The following NTM variants were observed in gnomAD, a reference collection of about 807,000 sequenced individuals.
The protein encoded by NTM is IgLON family member 2.
A neutral mutation model predicts 42.1 loss-of-function variants in NTM; 13 were observed. That is an observed-to-expected ratio of 0.31 (90% CI 0.20 to 0.49). NTM has a LOEUF of 0.49. NTM is among the 20% of genes least tolerant of loss of function. NTM has a pLI of 0.99. For missense variants in NTM, 373 were observed against 452.8 expected (o/e 0.82, Z 1.60); for synonymous variants, 187 against 179.2 (o/e 1.04, Z -0.35).
At chr11:131,672,876 C>T (rs57312660) in intron 1 of NTM, among the ~76,000 whole-genome samples, 1,884 of 83,872 alleles carry the variant, frequency 0.022, 174 homozygotes, top group African/African-American at 0.097. Flanking sequence ...TGTTCCTTGC[C>T]TATTTCCCTT....
At chr11:131,876,245 A>T (rs1162636029) in intron 1 of NTM, among the ~76,000 whole-genome samples, 1 of 152,156 alleles carries the variant, frequency 6.6e-6, no homozygotes. Flanking sequence ...GTGCCTGTGT[A>T]CACACACTTG....
At chr11:132,148,704 T>C (rs1270486718) in intron 3 of NTM, among the ~76,000 whole-genome samples, 2 of 152,198 alleles carry the variant, frequency 1.3e-5, no homozygotes, top group Non-Finnish European at 2.9e-5. Flanking sequence ...GAATGCCTGA[T>C]ACAAAGTGAA....
chr11:131,381,921 G>C (rs556257087), intron 1 of NTM, among the ~76,000 whole-genome samples: 8 of 152,312 alleles, frequency 5.3e-5, no homozygotes, highest in Non-Finnish European at 1.2e-4. Flanking sequence ...TCTATTGGGA[G>C]GTACAGCTAA....
intron 2 of NTM, among the ~76,000 whole-genome samples, chr11:132,005,864 C>T (rs896977682): frequency 5.9e-5 from 9 of 152,138 alleles, no homozygotes; most frequent in Admixed American, 2.0e-4. Context: ...CCTCCTGTTT[C>T]CCTAAAGAAA....
At chr11:132,108,698 A>G (rs1407376463) in intron 2 of NTM, among the ~76,000 whole-genome samples, 1 of 152,140 alleles carries the variant, frequency 6.6e-6, no homozygotes, top group Non-Finnish European at 1.5e-5. Context: ...TTTAAAAAAA[A>G]TTCAAATATT....
chr11:132,248,303 A>G (rs535819056), intron 4 of NTM, among the ~76,000 whole-genome samples: 4 of 151,958 alleles, frequency 2.6e-5, no homozygotes, highest in South Asian at 4.2e-4. Context: ...AACAATGGCA[A>G]TTTTTTTCCC....
At chr11:132,207,274 A>G (rs1181493632) in intron 3 of NTM, among the ~76,000 whole-genome samples, 3 of 152,120 alleles carry the variant, frequency 2.0e-5, no homozygotes, top group Admixed American at 2.0e-4. Context: ...CTCCTGTCAG[A>G]TCAGTGGCAG....
At chr11:131,986,169 A>C (rs1032884023) in intron 2 of NTM, among the ~76,000 whole-genome samples, 1 of 152,218 alleles carries the variant, frequency 6.6e-6, no homozygotes, top group African/African-American at 2.4e-5. Flanking sequence ...GGCCTATTGG[A>C]AACAGTTTCA....
chr11:131,563,342 T>G (rs1004560732), intron 1 of NTM, among the ~76,000 whole-genome samples: 20 of 152,144 alleles, frequency 1.3e-4, no homozygotes, highest in African/African-American at 4.8e-4. Flanking sequence ...GAAAAAAAAT[T>G]ACCATTTGTC....
intron 3 of NTM, among the ~76,000 whole-genome samples, chr11:132,199,259 G>T (rs114809499): frequency 1.3e-5 from 2 of 152,350 alleles, no homozygotes; most frequent in African/African-American, 4.8e-5. Context: ...GCAAAGCATG[G>T]TACATAGAGT....
At chr11:132,269,656 A>G (rs1312182856) in intron 4 of NTM, among the ~76,000 whole-genome samples, 2 of 152,224 alleles carry the variant, frequency 1.3e-5, no homozygotes, top group African/African-American at 4.8e-5. Flanking sequence ...ACTTCAATTC[A>G]GTGTTCTCTT....
chr11:131,375,510 G>T (rs573054230), intron 1 of NTM, among the ~76,000 whole-genome samples: 2 of 152,168 alleles, frequency 1.3e-5, no homozygotes, highest in African/African-American at 4.8e-5. Flanking sequence ...CCCCATTGCC[G>T]GAGGGTGCTT....
At chr11:132,135,667 G>A (rs1213479219) in intron 2 of NTM, among the ~76,000 whole-genome samples, 1 of 152,240 alleles carries the variant, frequency 6.6e-6, no homozygotes, top group African/African-American at 2.4e-5. Flanking sequence ...GTGGCTGTCT[G>A]TGGAGGTGGG....
At chr11:131,811,869 T>C (rs530890294) in intron 1 of NTM, among the ~76,000 whole-genome samples, 3 of 152,336 alleles carry the variant, frequency 2.0e-5, no homozygotes, top group African/African-American at 4.8e-5. Flanking sequence ...CCTCTAAAGA[T>C]AAAATTGTTT....
chr11:132,165,245 C>T (rs1160770944), intron 3 of NTM, among the ~76,000 whole-genome samples: 1 of 152,158 alleles, frequency 6.6e-6, no homozygotes, highest in African/African-American at 2.4e-5. Flanking sequence ...CCTCTTGCTT[C>T]TGTATCAGCA....
chr11:131,497,313 C>T (rs1055676073), intron 1 of NTM, among the ~76,000 whole-genome samples: 12 of 152,152 alleles, frequency 7.9e-5, no homozygotes, highest in Admixed American at 5.2e-4. Context: ...CTCAGCCTCC[C>T]GAGTAGCTGG....
At chr11:131,509,032 T>C (rs998626072) in intron 1 of NTM, among the ~76,000 whole-genome samples, 1 of 150,878 alleles carries the variant, frequency 6.6e-6, no homozygotes, top group Non-Finnish European at 1.5e-5. Flanking sequence ...ACTTAAAGTA[T>C]AATAATAAAA....
intron 1 of NTM, among the ~76,000 whole-genome samples, chr11:131,631,892 G>C (rs908616534): frequency 3.3e-5 from 5 of 152,116 alleles, no homozygotes; most frequent in Admixed American, 1.3e-4. Context: ...TGTTACCTTG[G>C]AGAAGTCTGA....
intron 2 of NTM, among the ~76,000 whole-genome samples, chr11:132,068,979 A>C (rs1187284593): frequency 6.6e-6 from 1 of 152,256 alleles, no homozygotes; most frequent in African/African-American, 2.4e-5. Flanking sequence ...AAATGGCTTC[A>C]CAGCAATGAC....
Sources: gnomAD v4.1 joint callset for allele counts (sites outside exome capture counted in the v4.1 genomes callset) on GRCh38, gnomAD v4.1.1 for gene constraint, MANE v1.5 for transcripts, NCBI Gene and HGNC (gene_info 2026-07-23, HGNC 2026-07-21) for gene names.